The following ANAPC13 variants were observed in gnomAD, a reference collection of about 807,000 sequenced individuals.
The protein encoded by ANAPC13 is anaphase-promoting complex subunit 13.
Under a neutral mutation model 9.6 loss-of-function variants are expected in ANAPC13, and 9 were observed. The ratio of observed to expected loss-of-function variants is 0.94; its 90% CI spans 0.57 to 1.64. The LOEUF is 1.64. Among genes scored for constraint, ANAPC13 ranks in the 40% most tolerant of loss-of-function variants. The pLI is 0.00. For missense variants in ANAPC13, 75 were observed against 85.3 expected, an observed-to-expected ratio of 0.88 and a Z score of 0.48; for synonymous variants, 30 against 29.7, an observed-to-expected ratio of 1.01 and a Z score of -0.03.
chr3:134,486,001 C>CA, upstream of ANAPC13: 9 of 982,424 alleles, frequency 9.2e-6, no homozygotes, highest in Non-Finnish European at 9.7e-6. Flanking sequence ...GCCCCCCCCC[C>CA]CTCCCCCGCA....
upstream of ANAPC13, chr3:134,485,990 C>CG: frequency 3.5e-5 from 29 of 837,606 alleles, no homozygotes; most frequent in African/African-American, 9.8e-5. Flanking sequence ...GCTCCTGCCA[C>CG]GCCCCCCCCC....
chr3:134,478,373 A>G lies in ANAPC13; in HGVS notation c.*217T>C. On this transcript the variant is annotated 3_prime_UTR_variant, in exon 3 of 3. Transcript: ENST00000354910. The stretch of plus-strand genomic sequence containing the variant: ...ATCATGTTCAAATATAAGCTACTCA[A>G]TGAAGAGTTTTAGGTTTAAAGAGCG... 1 of 560,644 alleles carries G rather than the reference A, an allele frequency of 1.8e-6. No individual in the cohort carries two copies. The highest frequency in any genetic ancestry group is 3.1e-6 in the Non-Finnish European group (1 of 327,562). The allele number at this position is 560,644 out of a possible 1,614,324, so 34.7% of individuals were successfully genotyped here.
chr3:134,482,982 T>C (rs1934773309), intron 1 of ANAPC13, 51 bp from the exon 2 acceptor site: 1 of 1,223,562 alleles, frequency 8.2e-7, no homozygotes, highest in Non-Finnish European at 1.2e-6. Context: ...AGAGATGGTA[T>C]AATCCACTAT....
intron 2 of ANAPC13, among the ~76,000 whole-genome samples, chr3:134,482,500 C>G (rs1399498146): frequency 6.6e-6 from 1 of 152,232 alleles, no homozygotes; most frequent in Admixed American, 6.5e-5. Context: ...TCTTCCCCAT[C>G]TTGCGCATTA....
At chr3:134,484,398 A>AC (rs1329860877) in intron 1 of ANAPC13, among the ~76,000 whole-genome samples, 2 of 152,178 alleles carry the variant, frequency 1.3e-5, no homozygotes, top group South Asian at 2.1e-4. Context: ...GAAAAAAAAA[A>AC]ACAAAAAAAA....
rs1355383763 is a variant in ANAPC13 at position 134,477,797 on chromosome 3, TG to T, written c.*792del. ...GCAGCTTCTTACAGAGTTTACAATC[TG>T]GGGAGAGAACATGAAAGACACTGTT... On this transcript the variant is annotated 3_prime_UTR_variant, in exon 3 of 3. Coordinates refer to ENST00000354910, the MANE Select transcript of ANAPC13 (RefSeq NM_015391.4). 6.6e-6 allele frequency: 1 copy of T among 152,228 alleles called. No homozygotes were observed. The highest frequency in any genetic ancestry group is 2.4e-5 in the African/African-American group (1 of 41,462). The allele number at this position is 152,228 out of a possible 1,614,324, so 9.4% of individuals were successfully genotyped here. A position where few individuals can be genotyped will look rare whatever the true frequency, so the allele number is the denominator to read the frequency against.
At chr3:134,479,440 C>T (rs1374445095) in intron 2 of ANAPC13, among the ~76,000 whole-genome samples, 13 of 152,040 alleles carry the variant, frequency 8.6e-5, no homozygotes, top group Non-Finnish European at 1.5e-4. Context: ...CGGGTTCAAG[C>T]GATTCTCCCG....
chr3:134,484,681 A>T (rs1934926627), intron 1 of ANAPC13, among the ~76,000 whole-genome samples: 1 of 152,232 alleles, frequency 6.6e-6, no homozygotes, highest in Non-Finnish European at 1.5e-5. Flanking sequence ...TCCCTGTCTT[A>T]CAAGTGCTCC....
intron 1 of ANAPC13, among the ~76,000 whole-genome samples, chr3:134,484,756 C>G (rs534237792): frequency 6.2e-4 from 94 of 152,350 alleles, no homozygotes; most frequent in Middle Eastern, 6.8e-3. Context: ...TTCTCACTTT[C>G]CTCAGCTGAT....
At chr3:134,481,444 A>C (rs1381375191) in intron 2 of ANAPC13, among the ~76,000 whole-genome samples, 2 of 152,164 alleles carry the variant, frequency 1.3e-5, no homozygotes, top group East Asian at 3.9e-4. Flanking sequence ...TACCTCCACT[A>C]AACTTCTGGT....
In ANAPC13 at chr3:134,478,431, CTCAT is replaced by C. The variant is rs1934659433; in HGVS notation, c.*155_*158del. 1.1e-6 allele frequency: 1 copy of C among 909,438 alleles called. No individual in the cohort carries two copies. Among genetic ancestry groups the C allele is most frequent in the Admixed American group, 2.6e-5 (1 of 38,714 alleles). The allele number at this position is 909,438 out of a possible 1,614,324, so 56.3% of individuals were successfully genotyped here. The stretch of plus-strand genomic sequence containing the variant: ...CACCATTACTGAGAAATCTCAGTTT[CTCAT>C]TCAATTTCGCATTGCACTTTGCTAC... On this transcript the variant is annotated 3_prime_UTR_variant, in exon 3 of 3. Coordinates refer to ENST00000354910, the MANE Select transcript of ANAPC13 (RefSeq NM_015391.4).
intron 1 of ANAPC13, chr3:134,483,267 T>C (rs1216464925): frequency 4.6e-6 from 1 of 217,450 alleles, no homozygotes; most frequent in East Asian, 1.0e-4. Flanking sequence ...TTTTCCTGTT[T>C]GTGATGCCTT....
intron 1 of ANAPC13, among the ~76,000 whole-genome samples, chr3:134,484,485 T>C (rs754355400): frequency 6.6e-6 from 1 of 152,026 alleles, no homozygotes; most frequent in African/African-American, 2.4e-5. Flanking sequence ...TATACACAGA[T>C]TGGTGTGGGA....
chr3:134,483,602 T>C (rs189332970), intron 1 of ANAPC13, among the ~76,000 whole-genome samples: 1 of 152,334 alleles, frequency 6.6e-6, no homozygotes, highest in Admixed American at 6.5e-5. Flanking sequence ...TCCTTGACCA[T>C]GGCTGATTCC....
Position 134,483,209 on chromosome 3 carries a change from T to C in ANAPC13, c.-27-278A>G, listed in dbSNP as rs568001454. ...GTTAAACGAGGCCCTCAAATATTAA[T>C]ATGTTGCATCTCAATGTAGCTCTTC... On this transcript the variant is annotated intron_variant, in intron 1 of 2. Transcript: ENST00000354910. 8.5e-6 allele frequency: 3 copies of C among 354,010 alleles called. No homozygotes were observed. In the East Asian group the frequency reaches 1.4e-4, roughly 17 times the overall value. The allele number at this position is 354,010 out of a possible 1,614,324, so 21.9% of individuals were successfully genotyped here. A position where few individuals can be genotyped will look rare whatever the true frequency, so the allele number is the denominator to read the frequency against.
intron 1 of ANAPC13, among the ~76,000 whole-genome samples, chr3:134,484,076 A>T (rs1934826496): frequency 6.6e-6 from 1 of 152,182 alleles, no homozygotes. Context: ...GGCAGGTGGA[A>T]GTTTTTGTAA....
chr3:134,481,646 T>C (rs1008215203), intron 2 of ANAPC13, among the ~76,000 whole-genome samples: 6 of 152,232 alleles, frequency 3.9e-5, no homozygotes, highest in African/African-American at 1.4e-4. Flanking sequence ...TATGTTCACA[T>C]AGTCTTATGG....
Position 134,482,842 on chromosome 3 carries a change from T to C in ANAPC13, c.63A>G (p.Glu21=), listed in dbSNP as rs1458324044. The C allele has an allele frequency of 6.2e-7, 1 of 1,614,212 alleles. No homozygotes were observed. Residue 21 remains glutamate (E), a synonymous_variant, in exon 2 of 3, where the codon GAA becomes GAG. Coordinates refer to ENST00000354910, the MANE Select transcript of ANAPC13 (RefSeq NM_015391.4). ...ILDLIDDAWR[E]DKLPYEDVAI... Reference sequence around the variant, plus strand: ...CGACATCCTCATAAGGCAGCTTGTCTTCTCGCCAAGCATCATCAATCAAAT... The same window carrying C: ...CGACATCCTCATAAGGCAGCTTGTCCTCTCGCCAAGCATCATCAATCAAAT...
In ANAPC13 at chr3:134,482,249, C is replaced by T. The variant is rs962558093; in HGVS notation, c.99+557G>A. Among the ~76,000 whole-genome samples the T allele has an allele frequency of 2.6e-5, 4 of 152,170 alleles. No individual in the cohort carries two copies. In the East Asian group the frequency reaches 7.7e-4, roughly 29 times the overall value. On this transcript the variant is annotated intron_variant, in intron 2 of 2. Transcript: ENST00000354910. The stretch of plus-strand genomic sequence containing the variant: ...TTATATAAGCAAAACTTTTGGATCA[C>T]TTATTACATGAGGTTTAACAAACTC...
Sources: allele counts gnomAD v4.1 joint callset (sites outside exome capture counted in the v4.1 genomes callset), GRCh38; gene constraint gnomAD v4.1.1; transcripts MANE v1.5; gene names NCBI Gene and HGNC (gene_info 2026-07-23, HGNC 2026-07-21).